The following SLC35C1 variants were observed in gnomAD, a reference collection of about 807,000 sequenced individuals.
The protein encoded by SLC35C1 is solute carrier family 35 member C1.
A neutral mutation model predicts 23.2 loss-of-function variants in SLC35C1; 8 were observed. The ratio of observed to expected loss-of-function variants is 0.35; its 90% CI spans 0.20 to 0.62. The LOEUF (loss-of-function observed/expected upper bound fraction) is 0.62, where lower values mean the gene tolerates loss of function less well. Ranked by LOEUF, SLC35C1 falls within the 20% of genes least tolerant of loss-of-function variation. The pLI is 0.75. For missense variants in SLC35C1, 422 were observed against 478.6 expected (o/e 0.88, Z 1.10); for synonymous variants, 226 against 225.1 (o/e 1.00, Z -0.04).
At position 45,808,868 on chromosome 11, in the gene SLC35C1, T is replaced by C. The variant is rs976296119; in HGVS notation, c.536-1908T>C. On this transcript the variant is annotated intron_variant, in intron 1 of 1. Coordinates refer to ENST00000314134, the MANE Select transcript of SLC35C1 (RefSeq NM_018389.5). ...AAATACAAAAATTAGCCAGGCATGG[T>C]GGCGCATCCCTGTAATCCCAGCTAC... Among the ~76,000 whole-genome samples, 5 of 152,182 alleles carry C rather than the reference T, an allele frequency of 3.3e-5. No individual in the cohort carries two copies. In the South Asian group the frequency reaches 8.3e-4, roughly 25 times the overall value.
chr11:45,807,413 G>A (rs2085888977), intron 1 of SLC35C1, among the ~76,000 whole-genome samples: 1 of 152,198 alleles, frequency 6.6e-6, no homozygotes, highest in South Asian at 2.1e-4. Flanking sequence ...GGACAGCACA[G>A]GTTAGATGGG....
intron 1 of SLC35C1, 114 bp from the exon 2 acceptor site, chr11:45,810,662 G>T: frequency 6.8e-7 from 1 of 1,466,164 alleles, no homozygotes; most frequent in East Asian, 2.5e-5. Context: ...GGGAGGAACG[G>T]GGAGGGCCGC....
intron 1 of SLC35C1, chr11:45,809,754 A>C (rs990808534): frequency 1.0e-6 from 1 of 985,216 alleles, no homozygotes; most frequent in Non-Finnish European, 1.2e-6. Context: ...AACTTTCCCC[A>C]CTGCCCCGTG....
rs1356755485 is a variant in SLC35C1, at chr11:45,810,915, C to T, written c.675C>T (p.Gly225=). The stretch of plus-strand genomic sequence containing the variant: ...CGAAGGTGCTCCCGGCGGTGGACGG[C>T]AGCATCTGGCGCCTGACTTTCTACA... The part of the protein sequence containing the change: ...YTTKVLPAVD[G]SIWRLTFYNN... The change falls in exon 2 of 2, where the codon GGC becomes GGT. Residue 225 remains glycine, a synonymous_variant. Coordinates refer to ENST00000314134, the MANE Select transcript of SLC35C1 (RefSeq NM_018389.5). The T allele has an allele frequency of 3.1e-6, 5 of 1,612,322 alleles. No individual in the cohort carries two copies. The highest frequency in any genetic ancestry group is 3.4e-6 in the Non-Finnish European group (4 of 1,180,038).
At chr11:45,806,947 G>C in intron 1 of SLC35C1, 1 of 974,932 alleles carries the variant, frequency 1.0e-6, no homozygotes, top group South Asian at 4.7e-5. Flanking sequence ...AATATGCTTT[G>C]AGAGGCCTCA....
chr11:45,808,835 T>G (rs1278651299), intron 1 of SLC35C1, among the ~76,000 whole-genome samples: 3 of 152,090 alleles, frequency 2.0e-5, no homozygotes, highest in Non-Finnish European at 4.4e-5. Flanking sequence ...AAGCCCCCTC[T>G]CTACTGAAAA....
Position 45,811,178 on chromosome 11 carries a change from TCTA to T in SLC35C1, c.943_945del (p.Tyr315del), listed in dbSNP as rs760348382. ...TGTGCCCAGACAGTGCTGGCCGTGC[TCTA>T]CTACGAGGAGACCAAGAGCTTCCTC... is the stretch of plus-strand genomic sequence containing the variant. On this transcript the variant is annotated inframe_deletion, in exon 2 of 2. Transcript: ENST00000314134. 39 of 1,612,084 alleles carry T rather than the reference TCTA, an allele frequency of 2.4e-5. No homozygotes were observed. The highest frequency in any genetic ancestry group is 3.3e-5 in the Non-Finnish European group (39 of 1,179,976).
At position 45,811,215 on chromosome 11, in the gene SLC35C1, G is replaced by A. The variant is rs377098836; in HGVS notation, c.975G>A (p.Thr325=). ...YEETKSFLWW[T]SNMMVLGGSS... is the part of the protein sequence containing the mutation. ...AGACCAAGAGCTTCCTCTGGTGGAC[G>A]AGCAACATGATGGTGCTGGGCGGCT... The change falls in exon 2 of 2, where the codon ACG becomes ACA. Residue 325 remains threonine (T), a synonymous_variant. Transcript: ENST00000314134. 145 of 1,609,374 alleles carry A rather than the reference G, an allele frequency of 9.0e-5. 1 individual carries two copies. Among genetic ancestry groups the A allele is most frequent in the African/African-American group, 2.0e-4 (15 of 74,860 alleles).
At chr11:45,809,722 G>A (rs1165722075) in intron 1 of SLC35C1, 2 of 983,902 alleles carry the variant, frequency 2.0e-6, no homozygotes, top group Non-Finnish European at 2.4e-6. Flanking sequence ...CCTGATTGGA[G>A]GCTAAATCCC....
chr11:45,810,517 G>T (rs2085927052), intron 1 of SLC35C1: 1 of 985,294 alleles, frequency 1.0e-6, no homozygotes, highest in South Asian at 4.7e-5. Context: ...GGGAAGATTT[G>T]TTTTAATGTC....
intron 1 of SLC35C1, among the ~76,000 whole-genome samples, chr11:45,807,232 G>A (rs1309848201): frequency 6.6e-6 from 1 of 152,198 alleles, no homozygotes; most frequent in Non-Finnish European, 1.5e-5. Flanking sequence ...TGCTCGTCTT[G>A]GAGGTTAGAA....
At position 45,811,087 on chromosome 11, in the gene SLC35C1, G is replaced by A. The variant is rs763091981; in HGVS notation, c.847G>A (p.Val283Met). The A allele has an allele frequency of 1.1e-5, 17 of 1,613,126 alleles. No individual in the cohort carries two copies. Among genetic ancestry groups the A allele is most frequent in the South Asian group, 4.4e-5 (4 of 91,092 alleles). The change falls in exon 2 of 2, where the codon GTG (valine) becomes ATG (methionine). Residue 283 changes from valine (V) to methionine (M), a missense_variant. By Grantham distance (21) the Val-to-Met change is conservative (BLOSUM62 1). Coordinates refer to ENST00000314134, the MANE Select transcript of SLC35C1 (RefSeq NM_018389.5). ...GGLFGFAIGY[V>M]TGLQIKFTSP... is the part of the protein sequence containing the mutation. ...CCTGTTTGGCTTTGCCATCGGCTAC[G>A]TGACAGGACTGCAGATCAAGTTCAC...
chr11:45,807,259 A>G (rs2134592301), intron 1 of SLC35C1, among the ~76,000 whole-genome samples: 1 of 152,374 alleles, frequency 6.6e-6, no homozygotes, highest in East Asian at 1.9e-4. Flanking sequence ...TATTCAATGC[A>G]GTAGCCATTG....
At chr11:45,809,106 C>A (rs541058990) in intron 1 of SLC35C1, among the ~76,000 whole-genome samples, 1 of 152,338 alleles carries the variant, frequency 6.6e-6, no homozygotes, top group East Asian at 1.9e-4. Flanking sequence ...AACTTTCATT[C>A]ATTCATTCCA....
rs911261773 is a variant in SLC35C1 at position 45,811,569 on chromosome 11, C to G, written c.*234C>G. 18 of 461,012 alleles carry G rather than the reference C, an allele frequency of 3.9e-5. No individual in the cohort carries two copies. In the Middle Eastern group the frequency reaches 1.7e-3, roughly 43 times the overall value. The allele number at this position is 461,012 out of a possible 1,614,324, so 28.6% of individuals were successfully genotyped here. A position where few individuals can be genotyped will look rare whatever the true frequency, so the allele number is the denominator to read the frequency against. On this transcript the variant is annotated 3_prime_UTR_variant, in exon 2 of 2. Transcript: ENST00000314134. ...TACCAGAAAGTTGCCAAACCCTTCT[C>G]TATCCTCTCGTATTTCTGAGTTTTT...
At chr11:45,806,898 C>T (rs2085884188) in intron 1 of SLC35C1, 1 of 985,376 alleles carries the variant, frequency 1.0e-6, no homozygotes, top group Admixed American at 6.1e-5. Flanking sequence ...TACCATCACT[C>T]TCTGCCAGCT....
chr11:45,804,418 G>A (rs949766782), upstream of SLC35C1: 7 of 911,142 alleles, frequency 7.7e-6, no homozygotes, highest in African/African-American at 9.0e-5. Context: ...TGCACCGGAG[G>A]AGGTGAGCGC....
Position 45,810,828 on chromosome 11 carries a change from G to A in SLC35C1, c.588G>A (p.Trp196Ter). 1 of 1,612,698 alleles carries A rather than the reference G, an allele frequency of 6.2e-7. No homozygotes were observed. The highest frequency in any genetic ancestry group is 8.5e-7 in the Non-Finnish European group (1 of 1,180,012). ...AGGGGGCAGAAGGCACCCTGTCGTG[G>A]CTGGGCACCGTCTTCGGCGTGCTGG... ...DQEGAEGTLS[W>*]LGTVFGVLAS... is the part of the protein sequence containing the mutation. The change falls in exon 2 of 2, where the codon TGG becomes TGA. Residue 196 changes from tryptophan to a stop codon, truncating the protein, a stop_gained. Coordinates refer to ENST00000314134, the MANE Select transcript of SLC35C1 (RefSeq NM_018389.5). LOFTEE classifies it high-confidence loss of function.
At position 45,809,809 on chromosome 11, in the gene SLC35C1, C is replaced by T. The variant is rs1002222751; in HGVS notation, c.536-967C>T. ...GAAGTATAACATGCATTGTTCAGCC[C>T]CTGGCTTCTGGGAGCATGGGATCTG... On this transcript the variant is annotated intron_variant, in intron 1 of 1. Coordinates refer to ENST00000314134, the MANE Select transcript of SLC35C1 (RefSeq NM_018389.5). The T allele has an allele frequency of 5.1e-6, 5 of 985,306 alleles. No homozygotes were observed. In the African/African-American group the frequency reaches 7.0e-5, roughly 14 times the overall value. 61.0% of individuals were successfully genotyped at this position (985,306 alleles called of 1,614,324 possible).
Sources: allele counts gnomAD v4.1 joint callset (sites outside exome capture counted in the v4.1 genomes callset), GRCh38; gene constraint gnomAD v4.1.1; transcripts MANE v1.5; gene names NCBI Gene and HGNC (gene_info 2026-07-23, HGNC 2026-07-21).